Variants in NTM observed in about 807,000 individuals in gnomAD.
The protein encoded by NTM is neurotrimin.
In NTM, 13 loss-of-function variants were observed where a neutral mutation model predicts 42.1. The ratio of observed to expected loss-of-function variants is 0.31; its 90% CI spans 0.20 to 0.49. The LOEUF is 0.49. Ranked by LOEUF, NTM falls within the 20% of genes least tolerant of loss-of-function variation. The pLI, the probability that NTM is intolerant of heterozygous loss-of-function variation, is 0.99. For synonymous variants in NTM, 187 were observed against 179.2 expected (o/e 1.04, Z -0.35); for missense variants, 373 against 452.8 (o/e 0.82, Z 1.60).
chr11:132,306,620 C>T (rs2095093361), intron 4 of NTM, among the ~76,000 whole-genome samples: 1 of 152,164 alleles, frequency 6.6e-6, no homozygotes, highest in Non-Finnish European at 1.5e-5. Context: ...TGGGAAAATG[C>T]TTCTCAATTG....
chr11:131,654,313 C>T (rs1354336693), intron 1 of NTM, among the ~76,000 whole-genome samples: 2 of 152,218 alleles, frequency 1.3e-5, no homozygotes, highest in East Asian at 1.9e-4. Context: ...CCCATCCACC[C>T]CCACCGCCAA....
intron 1 of NTM, among the ~76,000 whole-genome samples, chr11:131,401,812 A>ATATATATATATATATATATATATGTG (rs1945186482): frequency 4.6e-5 from 1 of 21,630 alleles, no homozygotes; most frequent in Non-Finnish European, 7.8e-5. Context: ...ATATATATAT[A>ATATATATATATATATATATATATGTG]TATATATATA....
chr11:131,911,543 T>A, intron 1 of NTM, 21 bp from the exon 2 acceptor site: 1 of 1,614,190 alleles, frequency 6.2e-7, no homozygotes, highest in African/African-American at 1.3e-5. Context: ...TCTCTCAGGC[T>A]GCTGTTCCTT....
intron 1 of NTM, among the ~76,000 whole-genome samples, chr11:131,869,230 C>G (rs1048632684): frequency 4.6e-5 from 7 of 152,342 alleles, no homozygotes; most frequent in Non-Finnish European, 8.8e-5. Flanking sequence ...CCTCTCCCTT[C>G]CTTGATGACT....
intron 1 of NTM, among the ~76,000 whole-genome samples, chr11:131,605,403 T>C (rs1183463223): frequency 6.6e-6 from 1 of 152,256 alleles, no homozygotes; most frequent in African/African-American, 2.4e-5. Flanking sequence ...ATATTTATTG[T>C]GTACCCCGCA....
intron 2 of NTM, among the ~76,000 whole-genome samples, chr11:132,051,232 C>A (rs569643738): frequency 6.6e-6 from 1 of 152,060 alleles, no homozygotes; most frequent in African/African-American, 2.4e-5. Context: ...TGCCAGACAC[C>A]GTTCTGACTG....
At chr11:131,533,379 C>T (rs140732398) in intron 1 of NTM, among the ~76,000 whole-genome samples, 340 of 152,306 alleles carry the variant, frequency 2.2e-3, no homozygotes, top group African/African-American at 7.2e-3. Context: ...GGTGATGCTG[C>T]GCGGCCTTGA....
chr11:131,783,125 A>T (rs1429326449), intron 1 of NTM, among the ~76,000 whole-genome samples: 3 of 152,192 alleles, frequency 2.0e-5, no homozygotes, highest in African/African-American at 7.2e-5. Flanking sequence ...GGTGAATTTA[A>T]CAAGGGTTTA....
At chr11:131,797,352 G>C (rs957514426) in intron 1 of NTM, among the ~76,000 whole-genome samples, 1 of 152,174 alleles carries the variant, frequency 6.6e-6, no homozygotes, top group Non-Finnish European at 1.5e-5. Flanking sequence ...GCAGGATGCA[G>C]CAAGCCGTAA....
At chr11:132,167,902 T>C (rs1218159365) in intron 3 of NTM, among the ~76,000 whole-genome samples, 1 of 152,184 alleles carries the variant, frequency 6.6e-6, no homozygotes, top group Non-Finnish European at 1.5e-5. Flanking sequence ...GAAGCCTGTT[T>C]TGCCCACAAC....
chr11:131,623,296 C>A (rs1024828285), intron 1 of NTM, among the ~76,000 whole-genome samples: 1 of 152,208 alleles, frequency 6.6e-6, no homozygotes, highest in Non-Finnish European at 1.5e-5. Flanking sequence ...GACATCCTAC[C>A]TCCCAGGACT....
At chr11:131,984,494 G>A (rs2065762825) in intron 2 of NTM, 1 of 152,298 alleles carries the variant, frequency 6.6e-6, no homozygotes, top group African/African-American at 2.4e-5. Context: ...TATTGTTAGT[G>A]GTGGCTCCCT....
intron 2 of NTM, among the ~76,000 whole-genome samples, chr11:132,022,114 A>G (rs1593813598): frequency 6.6e-6 from 1 of 152,208 alleles, no homozygotes; most frequent in East Asian, 1.9e-4. Flanking sequence ...CAGAGATGCC[A>G]CTGGTCCTCA....
At chr11:132,096,383 C>T (rs143155252) in intron 2 of NTM, among the ~76,000 whole-genome samples, 110 of 152,080 alleles carry the variant, frequency 7.2e-4, no homozygotes, top group Non-Finnish European at 1.5e-3. Flanking sequence ...TCACAATGGG[C>T]GAGAGTTCCT....
chr11:131,922,771 G>A (rs966684061), intron 2 of NTM, among the ~76,000 whole-genome samples: 3 of 152,104 alleles, frequency 2.0e-5, no homozygotes, highest in African/African-American at 7.2e-5. Flanking sequence ...AGAATTACCT[G>A]ACTCTGTTCA....
chr11:131,555,912 C>T (rs1439747156), intron 1 of NTM, among the ~76,000 whole-genome samples: 1 of 152,150 alleles, frequency 6.6e-6, no homozygotes, highest in Non-Finnish European at 1.5e-5. Context: ...ATATGGGCCC[C>T]ATGGGTGGCA....
chr11:132,167,528 T>C (rs974303302), intron 3 of NTM, among the ~76,000 whole-genome samples: 1 of 152,248 alleles, frequency 6.6e-6, no homozygotes, highest in Non-Finnish European at 1.5e-5. Context: ...GTAGCCAATC[T>C]GTCCATTATA....
At chr11:132,229,568 A>G (rs1312781056) in intron 4 of NTM, among the ~76,000 whole-genome samples, 1 of 152,208 alleles carries the variant, frequency 6.6e-6, no homozygotes, top group South Asian at 2.1e-4. Context: ...TGCAGTTAGT[A>G]TGTCTATTAA....
chr11:131,974,905 G>T (rs56373228), intron 2 of NTM, among the ~76,000 whole-genome samples: 4 of 151,994 alleles, frequency 2.6e-5, no homozygotes, highest in African/African-American at 9.7e-5. Context: ...TTTTGAAAAG[G>T]CTAAAACATA....
Sources: gnomAD v4.1 joint callset for allele counts (sites outside exome capture counted in the v4.1 genomes callset) on GRCh38, gnomAD v4.1.1 for gene constraint, MANE v1.5 for transcripts, NCBI Gene and HGNC (gene_info 2026-07-23, HGNC 2026-07-21) for gene names.